DIP2B: variants seen among roughly 807,000 people sequenced by gnomAD.
DIP2B encodes the protein DIP2 acetate--CoA ligase B (putative), also known as disco-interacting protein 2 homolog B.
A neutral mutation model predicts 198.0 loss-of-function variants in DIP2B; 76 were observed. The observed-to-expected ratio is 0.38, with a 90% CI of 0.32 to 0.46. The LOEUF is 0.46. Among genes scored for constraint, DIP2B ranks in the 20% least tolerant of loss-of-function variants. The pLI is 0.99. For synonymous variants in DIP2B, 701 were observed against 739.1 expected, an observed-to-expected ratio of 0.95 and a Z score of 0.84; for missense variants, 1,559 against 1,978.4, an observed-to-expected ratio of 0.79 and a Z score of 4.02.
chr12:50,600,361 C>T (rs559786395), intron 1 of DIP2B, among the ~76,000 whole-genome samples: 1 of 152,250 alleles, frequency 6.6e-6, no homozygotes, highest in South Asian at 2.1e-4. Context: ...AAATTGATTC[C>T]TGTTCTCCAC....
intron 28 of DIP2B, among the ~76,000 whole-genome samples, chr12:50,725,364 TGAG>T (rs1939912904): frequency 6.6e-6 from 1 of 152,186 alleles, no homozygotes; most frequent in Non-Finnish European, 1.5e-5. Context: ...GAATATTTAT[TGAG>T]AAGATGAAAT....
chr12:50,557,465 T>C (rs534384831), intron 1 of DIP2B, among the ~76,000 whole-genome samples: 4 of 152,282 alleles, frequency 2.6e-5, no homozygotes, highest in Non-Finnish European at 4.4e-5. Context: ...TCTTAGATTG[T>C]TAGATATAAA....
At chr12:50,644,063 C>G (rs2139491019) in intron 3 of DIP2B, among the ~76,000 whole-genome samples, 1 of 152,242 alleles carries the variant, frequency 6.6e-6, no homozygotes, top group African/African-American at 2.4e-5. Context: ...AACATTTCAA[C>G]CAATCATAAT....
intron 1 of DIP2B, among the ~76,000 whole-genome samples, chr12:50,527,136 C>T (rs1399918999): frequency 6.6e-6 from 1 of 152,224 alleles, no homozygotes; most frequent in Admixed American, 6.5e-5. Context: ...TACATTCCAT[C>T]TTTGGCAAAA....
At chr12:50,674,728 C>T in intron 6 of DIP2B, 99 bp downstream of exon 6, 1 of 1,460,444 alleles carries the variant, frequency 6.8e-7, no homozygotes, top group Non-Finnish European at 9.4e-7. Flanking sequence ...AGCTGCAGAA[C>T]TGCATTGTAG....
rs1478630667 is a variant in DIP2B at position 50,732,356 on chromosome 12, T to G, written c.3811-10T>G. ...TACTGACTTGGCTCCCATATAATGGTGTCTTGCAGACCAGAGGGATCAACC... is the reference window on the plus strand; with the variant it reads ...TACTGACTTGGCTCCCATATAATGGGGTCTTGCAGACCAGAGGGATCAACC... On this transcript the variant is annotated splice_polypyrimidine_tract_variant and intron_variant, in intron 31 of 37. Coordinates refer to ENST00000301180, the MANE Select transcript of DIP2B (RefSeq NM_173602.3). 6.2e-7 allele frequency: 1 copy of G among 1,614,068 alleles called. No individual in the cohort carries two copies. Among genetic ancestry groups the G allele is most frequent in the Non-Finnish European group, 8.5e-7 (1 of 1,179,940 alleles).
intron 28 of DIP2B, among the ~76,000 whole-genome samples, chr12:50,725,780 G>A (rs1276336927): frequency 1.3e-5 from 2 of 151,800 alleles, no homozygotes; most frequent in African/African-American, 4.8e-5. Flanking sequence ...AGTTAAATAA[G>A]CAGCAGAACT....
chr12:50,599,013 G>A, intron 1 of DIP2B, among the ~76,000 whole-genome samples: 1 of 142,762 alleles, frequency 7.0e-6, no homozygotes, highest in African/African-American at 2.6e-5. Context: ...CTCTTGGCTG[G>A]GCACAGTGGC....
intron 1 of DIP2B, among the ~76,000 whole-genome samples, chr12:50,560,742 C>A (rs542043941): frequency 4.5e-4 from 69 of 152,158 alleles, no homozygotes; most frequent in Non-Finnish European, 8.7e-4. Context: ...CAGAGTGAGA[C>A]CCTGTCTCAA....
chr12:50,644,157 A>G (rs187033556), intron 3 of DIP2B, among the ~76,000 whole-genome samples: 14 of 152,314 alleles, frequency 9.2e-5, no homozygotes, highest in East Asian at 5.8e-4. Context: ...ATCTGACCTG[A>G]TTCCATTCTT....
chr12:50,703,227 TA>T (rs988731357), intron 19 of DIP2B, among the ~76,000 whole-genome samples: 200 of 144,778 alleles, frequency 1.4e-3, no homozygotes, highest in African/African-American at 2.9e-3. Context: ...TATCTCATTT[TA>T]AAAAAAAAAA....
At chr12:50,719,174 A>G in intron 25 of DIP2B, 139 bp downstream of exon 25, 3 of 863,056 alleles carry the variant, frequency 3.5e-6, no homozygotes, top group Non-Finnish European at 5.3e-6. Flanking sequence ...TTGCTTTGGC[A>G]TATGAGGGTA....
chr12:50,569,091 CTTT>C (rs200901404), intron 1 of DIP2B, among the ~76,000 whole-genome samples: 4 of 133,642 alleles, frequency 3.0e-5, no homozygotes, highest in African/African-American at 2.7e-5. Flanking sequence ...TTTCTTTTGT[CTTT>C]TTTTTTTTTT....
At chr12:50,518,390 A>G (rs1191805546) in intron 1 of DIP2B, among the ~76,000 whole-genome samples, 1 of 152,032 alleles carries the variant, frequency 6.6e-6, no homozygotes, top group Non-Finnish European at 1.5e-5. Flanking sequence ...ATGCCCGGCT[A>G]ATTTTTGTAT....
chr12:50,511,716 G>A (rs538674150), intron 1 of DIP2B, among the ~76,000 whole-genome samples: 33 of 151,894 alleles, frequency 2.2e-4, no homozygotes, highest in African/African-American at 5.8e-4. Context: ...TTGGGAGGCC[G>A]AGGAGGGCGG....
Position 50,678,812 on chromosome 12 carries a change from A to G in DIP2B, c.1050A>G (p.Gln350=). Residue 350 remains glutamine (Q), a synonymous_variant, in exon 8 of 38, where the codon CAA becomes CAG. Transcript: ENST00000301180. ...CCCTGCAGCGCTGGGGTACCACTCAAGCAAAATGCTCCTGTCTGACTGCAC... is the reference window on the plus strand; with the variant it reads ...CCCTGCAGCGCTGGGGTACCACTCAGGCAAAATGCTCCTGTCTGACTGCAC... The part of the protein sequence containing the change: ...ESALQRWGTT[Q]AKCSCLTALD... 2 of 1,614,224 alleles carry G rather than the reference A, an allele frequency of 1.2e-6. No homozygotes were observed. The highest frequency in any genetic ancestry group is 2.2e-5 in the East Asian group (1 of 44,880).
chr12:50,642,730 A>T (rs1057327193), intron 3 of DIP2B, among the ~76,000 whole-genome samples: 28 of 152,310 alleles, frequency 1.8e-4, no homozygotes, highest in Admixed American at 1.4e-3. Flanking sequence ...CAGAGCTTGC[A>T]GTGAGCCGAG....
chr12:50,623,205 G>A (rs1327668826), intron 1 of DIP2B, among the ~76,000 whole-genome samples: 1 of 151,764 alleles, frequency 6.6e-6, no homozygotes, highest in Non-Finnish European at 1.5e-5. Context: ...GCAACAAAGC[G>A]AGATTCTGTC....
intron 1 of DIP2B, among the ~76,000 whole-genome samples, chr12:50,552,967 C>G (rs1239945335): frequency 6.6e-6 from 1 of 152,116 alleles, no homozygotes; most frequent in African/African-American, 2.4e-5. Context: ...TCCCGAGTAG[C>G]TGGGACTACA....
Sources: allele counts gnomAD v4.1 joint callset (sites outside exome capture counted in the v4.1 genomes callset), GRCh38; gene constraint gnomAD v4.1.1; transcripts MANE v1.5; gene names NCBI Gene and HGNC (gene_info 2026-07-23, HGNC 2026-07-21).